The following VPS39 variants were observed in gnomAD, a reference collection of about 807,000 sequenced individuals.
VPS39 encodes the protein vam6/Vps39-like protein.
VPS39 carries 70 observed loss-of-function variants against 121.0 expected under a neutral mutation model. The ratio of observed to expected loss-of-function variants is 0.58; its 90% CI spans 0.48 to 0.71. VPS39 has a LOEUF of 0.71. Ranked by LOEUF, VPS39 falls within the 30% of genes least tolerant of loss-of-function variation. VPS39 has a pLI of 0.00. For missense variants in VPS39, 818 were observed against 1,051.5 expected (o/e 0.78, Z 3.07); for synonymous variants, 378 against 398.1 (o/e 0.95, Z 0.60).
chr15:42,165,668 C>A, intron 17 of VPS39, 50 bp downstream of exon 17: 1 of 1,494,530 alleles, frequency 6.7e-7, no homozygotes, highest in Admixed American at 1.7e-5. Flanking sequence ...ACCACGCAGT[C>A]CTGGATCCTG....
rs1424146285 is a variant in VPS39 at position 42,159,570 on chromosome 15, C to G, written c.*1184G>C. On this transcript the variant is annotated 3_prime_UTR_variant, in exon 25 of 25. Coordinates refer to ENST00000318006, the MANE Select transcript of VPS39 (RefSeq NM_015289.5). ...TAAACCAGCGTCCTGCTGTTCTTGC[C>G]CCCCGCGTCCCCTCTGCTGTGCCTA... 1 of 152,412 alleles carries G rather than the reference C, an allele frequency of 6.6e-6. No individual in the cohort carries two copies. The highest frequency in any genetic ancestry group is 1.9e-4 in the East Asian group (1 of 5,208). 9.4% of individuals were successfully genotyped at this position (152,412 alleles called of 1,614,324 possible).
intron 1 of VPS39, among the ~76,000 whole-genome samples, chr15:42,202,966 T>C (rs2050097290): frequency 6.6e-6 from 1 of 152,260 alleles, no homozygotes; most frequent in African/African-American, 2.4e-5. Flanking sequence ...AAGAGTCTAT[T>C]TTCCATTTTT....
intron 1 of VPS39, among the ~76,000 whole-genome samples, chr15:42,203,835 AAC>A (rs1489051498): frequency 2.0e-5 from 3 of 152,228 alleles, no homozygotes; most frequent in Non-Finnish European, 4.4e-5. Context: ...GTGCATGCAC[AAC>A]ACAGAGGATG....
Position 42,163,650 on chromosome 15 carries a change from A to T in VPS39, c.2105T>A (p.Leu702Ter). The change falls in exon 20 of 25, where the codon TTG becomes TAG. Residue 702 changes from leucine (L) to a stop codon, truncating the protein, a stop_gained. Transcript: ENST00000318006. LOFTEE classifies it high-confidence loss of function. ...CTCCTCAGCCATCCTTGTATCCTTC[A>T]AGATGTGGACATAAATGAAAAGAGC... ...EQALFIYVHI[L>*]KDTRMAEEYC... The T allele has an allele frequency of 6.2e-7, 1 of 1,614,034 alleles. No individual in the cohort carries two copies. Among genetic ancestry groups the T allele is most frequent in the Non-Finnish European group, 8.5e-7 (1 of 1,179,972 alleles).
intron 8 of VPS39, among the ~76,000 whole-genome samples, chr15:42,180,824 CT>C (rs1233788551): frequency 6.6e-6 from 1 of 152,104 alleles, no homozygotes; most frequent in Non-Finnish European, 1.5e-5. Context: ...GAGATATCAC[CT>C]CATACGCCTT....
intron 13 of VPS39, among the ~76,000 whole-genome samples, chr15:42,167,160 A>G (rs1443843814): frequency 2.6e-5 from 4 of 152,238 alleles, no homozygotes; most frequent in Admixed American, 6.5e-5. Flanking sequence ...TTGTAGCACT[A>G]ACTGCAATCC....
chr15:42,168,664 C>T (rs972926948), intron 12 of VPS39, among the ~76,000 whole-genome samples: 4 of 152,110 alleles, frequency 2.6e-5, no homozygotes, highest in African/African-American at 9.7e-5. Flanking sequence ...CTGCCTCAGC[C>T]TCCTGAATAG....
chr15:42,178,575 G>C lies in VPS39; in HGVS notation c.719-5C>G. 1 of 1,614,076 alleles carries C rather than the reference G, an allele frequency of 6.2e-7. No individual in the cohort carries two copies. Among genetic ancestry groups the C allele is most frequent in the Non-Finnish European group, 8.5e-7 (1 of 1,179,986 alleles). On this transcript the variant is annotated splice_polypyrimidine_tract_variant and splice_region_variant and intron_variant, in intron 8 of 24. Coordinates refer to ENST00000318006, the MANE Select transcript of VPS39 (RefSeq NM_015289.5). The stretch of plus-strand genomic sequence containing the variant: ...TGATGTAGGGAGGCTGGTGCTCTGT[G>C]AAAGAGAACATACACAGCAGTTGTT...
intron 21 of VPS39, among the ~76,000 whole-genome samples, 189 bp downstream of exon 21, chr15:42,163,161 T>C (rs1317530733): frequency 2.0e-5 from 3 of 152,116 alleles, no homozygotes; most frequent in Non-Finnish European, 2.9e-5. Context: ...AACAAAGATA[T>C]ACGCCAGAAC....
intron 2 of VPS39, among the ~76,000 whole-genome samples, chr15:42,199,358 C>T (rs1243929968): frequency 6.6e-6 from 1 of 152,048 alleles, no homozygotes. Flanking sequence ...TTGCATCCAC[C>T]CCAACAACTT....
chr15:42,163,415 G>A lies in VPS39; in HGVS notation c.2130-20C>T. 6.2e-7 allele frequency: 1 copy of A among 1,614,126 alleles called. No homozygotes were observed. Among genetic ancestry groups the A allele is most frequent in the Non-Finnish European group, 8.5e-7 (1 of 1,179,984 alleles). ...CAGTACCTGCAAGGGAGAGAGTGGT[G>A]AGAGCAGGTGGTGTGAGGGGGGCAC... On this transcript the variant is annotated intron_variant, in intron 20 of 24. Transcript: ENST00000318006.
Position 42,173,733 on chromosome 15 carries a change from T to C in VPS39, c.1080A>G (p.Lys360=). The change falls in exon 11 of 25, where the codon AAA becomes AAG. Residue 360 remains lysine, a synonymous_variant. Transcript: ENST00000318006. The part of the protein sequence containing the change: ...RFDESMQVFA[K]LGTDPTHVMG... Reference sequence around the variant, plus strand: ...CTCACCACTTGTTACCTGTGCCAAGTTTAGCAAAGACCTGCATGGACTCAT... The same window carrying C: ...CTCACCACTTGTTACCTGTGCCAAGCTTAGCAAAGACCTGCATGGACTCAT... 1 of 1,614,056 alleles carries C rather than the reference T, an allele frequency of 6.2e-7. No homozygotes were observed. Among genetic ancestry groups the C allele is most frequent in the Non-Finnish European group, 8.5e-7 (1 of 1,179,932 alleles).
At position 42,166,982 on chromosome 15, in the gene VPS39, T is replaced by C. The variant is rs557802143; in HGVS notation, c.1378-69A>G. 1,106 of 1,593,316 alleles carry C rather than the reference T, an allele frequency of 6.9e-4. 3 individuals carry two copies. The highest frequency in any genetic ancestry group is 6.9e-4 in the Non-Finnish European group (807 of 1,169,386). ...GCCCCACCCTTCCCTGGCCCAGGCC[T>C]GCTCTAGGCTGAAAGGCCAGGAATG... On this transcript the variant is annotated intron_variant, in intron 13 of 24. Coordinates refer to ENST00000318006, the MANE Select transcript of VPS39 (RefSeq NM_015289.5).
intron 12 of VPS39, among the ~76,000 whole-genome samples, chr15:42,169,257 T>C (rs1227945695): frequency 1.3e-5 from 2 of 152,176 alleles, no homozygotes; most frequent in Non-Finnish European, 2.9e-5. Context: ...TTCATAGATA[T>C]ACAAGTCTAG....
intron 24 of VPS39, 81 bp downstream of exon 24, chr15:42,161,601 G>A (rs1440583255): frequency 2.2e-6 from 3 of 1,393,982 alleles, no homozygotes; most frequent in South Asian, 2.3e-5. Context: ...CTGTTAAAGG[G>A]CAGAAATCCA....
chr15:42,162,094 T>C lies in VPS39; in HGVS notation c.2398A>G (p.Asn800Asp), dbSNP rs2049140142. Residue 800 changes from asparagine to aspartate, a missense_variant, in exon 23 of 25, where the codon AAT becomes GAT. Asn to Asp is a conservative substitution (Grantham distance 23). Transcript: ENST00000318006. The stretch of plus-strand genomic sequence containing the variant: ...TGATTGAACCGTTTCTTTTGTGCAT[T>C]TTCTTCCAAGACCTTTTCCAGGAAG... ...RIFLEKVLEENAQKKRFNQVL... is the reference protein window; with the variant it reads ...RIFLEKVLEEDAQKKRFNQVL... 6.2e-7 allele frequency: 1 copy of C among 1,614,104 alleles called. No individual in the cohort carries two copies. Among genetic ancestry groups the C allele is most frequent in the African/African-American group, 1.3e-5 (1 of 74,936 alleles).
chr15:42,164,306 T>C, intron 19 of VPS39, 52 bp downstream of exon 19: 1 of 1,607,676 alleles, frequency 6.2e-7, no homozygotes, highest in African/African-American at 1.3e-5. Flanking sequence ...GGTGGATTAG[T>C]CTTTGCATGA....
chr15:42,192,016 C>A, intron 2 of VPS39: 1 of 1,530,512 alleles, frequency 6.5e-7, no homozygotes. Flanking sequence ...ACAGAGCAAA[C>A]ACTCAAACCC....
chr15:42,179,308 G>A (rs1031161920), intron 8 of VPS39, among the ~76,000 whole-genome samples: 13 of 151,928 alleles, frequency 8.6e-5, no homozygotes, highest in East Asian at 1.9e-4. Context: ...AGTGGCTCAC[G>A]CCTGTAATCC....
Sources: gnomAD v4.1 joint callset for allele counts (sites outside exome capture counted in the v4.1 genomes callset) on GRCh38, gnomAD v4.1.1 for gene constraint, MANE v1.5 for transcripts, NCBI Gene and HGNC (gene_info 2026-07-23, HGNC 2026-07-21) for gene names.